NLE1: variants seen among roughly 807,000 people sequenced by gnomAD.
NLE1 encodes the protein notchless homolog 1.
In NLE1, 37 loss-of-function variants were observed where a neutral mutation model predicts 62.8. That is an observed-to-expected ratio of 0.59 (90% CI 0.45 to 0.78). The LOEUF is 0.78. Among genes scored for constraint, NLE1 ranks in the 30% least tolerant of loss-of-function variants. The pLI, the probability that NLE1 is intolerant of heterozygous loss-of-function variation, is 0.00. For synonymous variants in NLE1, 243 were observed against 253.0 expected, an observed-to-expected ratio of 0.96 and a Z score of 0.37; for missense variants, 555 against 637.9, an observed-to-expected ratio of 0.87 and a Z score of 1.40.
chr17:35,128,889 G>A lies in NLE1; in HGVS notation c.*3548C>T, dbSNP rs1048213107. 1 of 171,562 alleles carries A rather than the reference G, an allele frequency of 5.8e-6. No individual in the cohort carries two copies. Among genetic ancestry groups the A allele is most frequent in the Non-Finnish European group, 1.2e-5 (1 of 82,370 alleles). The allele number at this position is 171,562 out of a possible 1,614,324, so 10.6% of individuals were successfully genotyped here. On this transcript the variant is annotated 3_prime_UTR_variant, in exon 13 of 13. Transcript: ENST00000442241. The stretch of plus-strand genomic sequence containing the variant: ...CAACGAGAGGGTCCCATTTGGGGGT[G>A]ATGGGAGACAATGACAGATCATCAG...
At chr17:35,137,345 G>A (rs1410445203) in intron 6 of NLE1, 152 bp from the exon 7 acceptor site, 2 of 856,600 alleles carry the variant, frequency 2.3e-6, no homozygotes, top group African/African-American at 1.7e-5. Context: ...ACTGCAACCA[G>A]CAGACCCTGT....
chr17:35,135,323 G>T lies in NLE1; in HGVS notation c.1140C>A (p.Phe380Leu). ...GHQALINQVLFSPDSRIVASA... is the reference protein window; with the variant it reads ...GHQALINQVLLSPDSRIVASA... ...TAGCCACGATGCGGGAGTCAGGAGA[G>T]AAGAGCACCTGGTTGATGAGAGCTT... Residue 380 changes from phenylalanine (F) to leucine (L), a missense_variant, in exon 10 of 13, where the codon TTC (phenylalanine) becomes TTA (leucine). By Grantham distance (22) the Phe-to-Leu change is conservative. Transcript: ENST00000442241. The T allele has an allele frequency of 1.9e-6, 3 of 1,614,220 alleles. No individual in the cohort carries two copies. Among genetic ancestry groups the T allele is most frequent in the Non-Finnish European group, 2.5e-6 (3 of 1,180,046 alleles).
In NLE1 at chr17:35,129,598, C is replaced by T. The variant is rs780092274; in HGVS notation, c.*2839G>A. ...TGGAGCTAAAGCCTAACACGTGTTACTGCCTCAGTGTCCGTGCAGCCAACA... is the reference window on the plus strand; with the variant it reads ...TGGAGCTAAAGCCTAACACGTGTTATTGCCTCAGTGTCCGTGCAGCCAACA... On this transcript the variant is annotated 3_prime_UTR_variant, in exon 13 of 13. Coordinates refer to ENST00000442241, the MANE Select transcript of NLE1 (RefSeq NM_018096.5). The T allele has an allele frequency of 8.7e-6, 14 of 1,614,168 alleles. No homozygotes were observed. The highest frequency in any genetic ancestry group is 1.1e-5 in the Non-Finnish European group (13 of 1,180,026).
chr17:35,130,637 C>T lies in NLE1; in HGVS notation c.*1800G>A, dbSNP rs998413715. On this transcript the variant is annotated 3_prime_UTR_variant, in exon 13 of 13. Coordinates refer to ENST00000442241, the MANE Select transcript of NLE1 (RefSeq NM_018096.5). ...GGAGGCATCTCAGGCCAGGCCATGC[C>T]AGGCTCAGCCACTGCCCACAGCTGC... 8.7e-6 allele frequency: 5 copies of T among 575,850 alleles called. No homozygotes were observed. Among genetic ancestry groups the T allele is most frequent in the African/African-American group, 3.7e-5 (2 of 53,420 alleles). The allele number at this position is 575,850 out of a possible 1,614,324, so 35.7% of individuals were successfully genotyped here. A position where few individuals can be genotyped will look rare whatever the true frequency, so the allele number is the denominator to read the frequency against.
intron 10 of NLE1, 75 bp downstream of exon 10, chr17:35,135,154 AAACACCTGCCAAGGCCATAC>A: frequency 8.2e-7 from 1 of 1,213,042 alleles, no homozygotes; most frequent in East Asian, 2.3e-5. Flanking sequence ...TAGAAAATCC[AAACACCTGCCAAGGCCATAC>A]AGCTAGTAAG....
chr17:35,134,881 G>A (rs1048265898), intron 10 of NLE1: 11 of 368,196 alleles, frequency 3.0e-5, no homozygotes, highest in East Asian at 7.3e-5. Flanking sequence ...GTGAAACCCC[G>A]TCTCAACTAA....
chr17:35,137,122 C>T lies in NLE1; in HGVS notation c.707G>A (p.Gly236Asp), dbSNP rs1355578263. ...CCCGGTGAGGATGCGCTCACAGCGG[C>T]CTGCAGTTGTGTCCCAGATCCGCAC... ...GSVRIWDTTA[G>D]RCERILTGHT... Residue 236 changes from glycine (G) to aspartate (D), a missense_variant, in exon 7 of 13, where the codon GGC becomes GAC. Transcript: ENST00000442241. 2.5e-6 allele frequency: 4 copies of T among 1,613,898 alleles called. No homozygotes were observed. Among genetic ancestry groups the T allele is most frequent in the Non-Finnish European group, 3.4e-6 (4 of 1,179,928 alleles).
rs1215101825 is a variant in NLE1, at chr17:35,131,415, T to C, written c.*1022A>G. The C allele has an allele frequency of 6.6e-6, 1 of 152,252 alleles. No homozygotes were observed. The highest frequency in any genetic ancestry group is 6.5e-5 in the Admixed American group (1 of 15,288). The allele number at this position is 152,252 out of a possible 1,614,324, so 9.4% of individuals were successfully genotyped here. ...ATCTGAGTAGTTCAGACCATGACCC[T>C]GCTTAGCATGGGATGCAGGAGAAAG... On this transcript the variant is annotated 3_prime_UTR_variant, in exon 13 of 13. Coordinates refer to ENST00000442241, the MANE Select transcript of NLE1 (RefSeq NM_018096.5).
In NLE1 at chr17:35,139,873, G is replaced by T; in HGVS notation, c.356C>A (p.Ser119Tyr). 6.2e-7 allele frequency: 1 copy of T among 1,613,566 alleles called. No homozygotes were observed. The highest frequency in any genetic ancestry group is 1.1e-5 in the South Asian group (1 of 91,054). ...CTTTCCCGTAGGGCTGAAGGCCACAGAAATGACTGCCTCACTGTGACCCTC... is the reference window on the plus strand; with the variant it reads ...CTTTCCCGTAGGGCTGAAGGCCACATAAATGACTGCCTCACTGTGACCCTC... ...SLEGHSEAVISVAFSPTGKYL... is the reference protein window; with the variant it reads ...SLEGHSEAVIYVAFSPTGKYL... The change falls in exon 3 of 13, where the codon TCT (serine) becomes TAT (tyrosine). Residue 119 changes from serine to tyrosine, a missense_variant. By Grantham distance (144) the Ser-to-Tyr change is moderately radical (BLOSUM62 -2). Coordinates refer to ENST00000442241, the MANE Select transcript of NLE1 (RefSeq NM_018096.5).
rs199607691 is a variant in NLE1 at position 35,130,342 on chromosome 17, G to C, written c.*2095C>G. On this transcript the variant is annotated 3_prime_UTR_variant, in exon 13 of 13. Transcript: ENST00000442241. ...TGAGAACTACCCCATCCAGATCACC[G>C]TGCGGCGCAAGGAACCCCGGCAAAA... 3.7e-6 allele frequency: 6 copies of C among 1,614,010 alleles called. No individual in the cohort carries two copies. In the East Asian group the frequency reaches 1.1e-4, roughly 30 times the overall value.
In NLE1 at chr17:35,135,419, G is replaced by A. The variant is rs780986294; in HGVS notation, c.1044C>T (p.Ser348=). Residue 348 remains serine (S), a synonymous_variant, in exon 10 of 13, where the codon TCC becomes TCT. Transcript: ENST00000442241. ...GQGPERLVSG[S]DDFTLFLWSP... ...ACCACAGGAATAAGGTGAAGTCGTC[G>A]GAGCCAGACACCAGCCTCTCTGGAC... 1.5e-5 allele frequency: 24 copies of A among 1,613,970 alleles called. No homozygotes were observed. The highest frequency in any genetic ancestry group is 2.7e-5 in the African/African-American group (2 of 74,890).
chr17:35,138,667 C>T lies in NLE1; in HGVS notation c.460+568G>A, dbSNP rs568411859. ...CTGTGTTGGCGAGGCTGGTCTCAAA[C>T]TCCTGACCTCAAGTGATCTGCCTGC... is the stretch of plus-strand genomic sequence containing the variant. On this transcript the variant is annotated intron_variant, in intron 4 of 12. Coordinates refer to ENST00000442241, the MANE Select transcript of NLE1 (RefSeq NM_018096.5). Among the ~76,000 whole-genome samples the T allele has an allele frequency of 7.2e-5, 11 of 152,310 alleles. No homozygotes were observed. The East Asian group carries it at 2.1e-3, about 29-fold the overall frequency.
intron 2 of NLE1, among the ~76,000 whole-genome samples, chr17:35,141,131 T>C (rs1042910602): frequency 6.6e-6 from 1 of 152,182 alleles, no homozygotes; most frequent in Non-Finnish European, 1.5e-5. Context: ...TGTTAAAAAA[T>C]GTAGACTTTC....
chr17:35,135,416 G>A lies in NLE1; in HGVS notation c.1047C>T (p.Asp349=), dbSNP rs145922866. 4.2e-4 allele frequency: 679 copies of A among 1,614,112 alleles called. 2 individuals are homozygous for A. In the African/African-American group the frequency reaches 7.7e-3, roughly 18 times the overall value. The change falls in exon 10 of 13, where the codon GAC becomes GAT. Residue 349 remains aspartate, a synonymous_variant. Transcript: ENST00000442241. ...QGPERLVSGS[D]DFTLFLWSPA... Reference sequence around the variant, plus strand: ...GGGACCACAGGAATAAGGTGAAGTCGTCGGAGCCAGACACCAGCCTCTCTG... The same window carrying A: ...GGGACCACAGGAATAAGGTGAAGTCATCGGAGCCAGACACCAGCCTCTCTG...
Position 35,129,802 on chromosome 17 carries a change from C to T in NLE1, c.*2635G>A, listed in dbSNP as rs2091865604. The T allele has an allele frequency of 5.5e-6, 8 of 1,447,120 alleles. No individual in the cohort carries two copies. The South Asian group carries it at 1.0e-4, about 19-fold the overall frequency. The allele number at this position is 1,447,120 out of a possible 1,614,324, so 89.6% of individuals were successfully genotyped here. The stretch of plus-strand genomic sequence containing the variant: ...CTGCCTGGGTCAAGAAGCATCAATT[C>T]CAGAATGCATGCTTCTGGGAGGTTT... On this transcript the variant is annotated 3_prime_UTR_variant, in exon 13 of 13. Transcript: ENST00000442241.
chr17:35,140,066 C>A lies in NLE1; in HGVS notation c.163G>T (p.Glu55Ter). ...AAGAAAGCCAGTGGCAGGGGATCCT[C>A]CTGAAGGACAATGGTAAAGGACAAA... ...QLVCNALLAQ[E>*]DPLPLAFFVH... Residue 55 changes from glutamate (E) to a stop codon, truncating the protein, a stop_gained and splice_region_variant, in exon 3 of 13, where the codon GAG becomes TAG. Coordinates refer to ENST00000442241, the MANE Select transcript of NLE1 (RefSeq NM_018096.5). LOFTEE classifies it high-confidence loss of function. The A allele has an allele frequency of 6.2e-7, 1 of 1,612,756 alleles. No homozygotes were observed. Among genetic ancestry groups the A allele is most frequent in the South Asian group, 1.1e-5 (1 of 90,982 alleles).
At chr17:35,138,775 G>A (rs1043892414) in intron 4 of NLE1, among the ~76,000 whole-genome samples, 28 of 152,152 alleles carry the variant, frequency 1.8e-4, no homozygotes, top group African/African-American at 6.3e-4. Flanking sequence ...CCCCTGAGGC[G>A]GGGCAATTCT....
Position 35,131,862 on chromosome 17 carries a change from C to A in NLE1, c.*575G>T, listed in dbSNP as rs1398407150. The A allele has an allele frequency of 6.6e-6, 1 of 152,292 alleles. No homozygotes were observed. Among genetic ancestry groups the A allele is most frequent in the Admixed American group, 6.5e-5 (1 of 15,282 alleles). 9.4% of individuals were successfully genotyped at this position (152,292 alleles called of 1,614,324 possible). ...GGCCGGTGCCTACTGCAGTGGACAA[C>A]AATACAGCCCTAGATTCTCCTTGGC... On this transcript the variant is annotated 3_prime_UTR_variant, in exon 13 of 13. Transcript: ENST00000442241.
rs1048342373 is a variant in NLE1 at position 35,142,195 on chromosome 17, C to T, written c.18+63G>A. On this transcript the variant is annotated intron_variant, in intron 1 of 12. Coordinates refer to ENST00000442241, the MANE Select transcript of NLE1 (RefSeq NM_018096.5). ...GGGCCCCACTTCGCCTCTCTCAGGC[C>T]TCAGGGACCCGGGCCCTAGCGCCCC... The T allele has an allele frequency of 3.1e-6, 5 of 1,589,548 alleles. No individual in the cohort carries two copies. In the African/African-American group the frequency reaches 6.7e-5, roughly 21 times the overall value.
Sources: gnomAD v4.1 joint callset for allele counts (sites outside exome capture counted in the v4.1 genomes callset) on GRCh38, gnomAD v4.1.1 for gene constraint, MANE v1.5 for transcripts, NCBI Gene and HGNC (gene_info 2026-07-23, HGNC 2026-07-21) for gene names.